GSDME: variants seen among roughly 807,000 people sequenced by gnomAD.
The protein encoded by GSDME is gasdermin-E.
GSDME carries 44 observed loss-of-function variants against 47.5 expected under a neutral mutation model. The ratio of observed to expected loss-of-function variants is 0.93; its 90% CI spans 0.73 to 1.19. GSDME has a LOEUF of 1.19. Among genes scored for constraint, GSDME ranks in the 50% most tolerant of loss-of-function variants. The pLI, the probability that GSDME is intolerant of heterozygous loss-of-function variation, is 0.00. For missense variants in GSDME, 663 were observed against 604.2 expected (o/e 1.10, Z -1.02); for synonymous variants, 258 against 252.8 (o/e 1.02, Z -0.20).
At chr7:24,774,678 G>A in the GSDME span, among the ~76,000 whole-genome samples, 241 of 152,048 alleles carry the variant, frequency 1.6e-3, 5 homozygotes, top group East Asian at 0.04. Flanking sequence ...GATTACAGGC[G>A]CATGCCACCA....
rs1456970194 is a variant in GSDME, at chr7:24,728,365, C to G, written c.405-9147G>C. Among the ~76,000 whole-genome samples, 2 of 152,194 alleles carry G rather than the reference C, an allele frequency of 1.3e-5. No homozygotes were observed. Among genetic ancestry groups the G allele is most frequent in the Admixed American group, 6.5e-5 (1 of 15,276 alleles). On this transcript the variant is annotated intron_variant, in intron 3 of 9. Coordinates refer to ENST00000645220, the MANE Select transcript of GSDME (RefSeq NM_001127453.2). This position sits in a 1 kb window ranked among gnomAD's most constrained non-coding sequence, Gnocchi z 7.2. The stretch of plus-strand genomic sequence containing the variant: ...ACCATTCAGTCAACCGGGACGCACC[C>G]TCTTCGAGATGTTTTCTTATGTGAG...
rs986469081 is a variant in GSDME at position 24,708,393 on chromosome 7, CAG to C, written c.863-141_863-140del. The C allele has an allele frequency of 2.9e-6, 3 of 1,023,032 alleles. No homozygotes were observed. In the African/African-American group the frequency reaches 4.8e-5, roughly 16 times the overall value. The allele number at this position is 1,023,032 out of a possible 1,614,324, so 63.4% of individuals were successfully genotyped here. A position where few individuals can be genotyped will look rare whatever the true frequency, so the allele number is the denominator to read the frequency against. On this transcript the variant is annotated intron_variant, in intron 6 of 9. Coordinates refer to ENST00000645220, the MANE Select transcript of GSDME (RefSeq NM_001127453.2). ...CAGCTGCATAGTCAGTCATGGAACTCAGAAATAAACATCAAGTTACAAGCCAC... is the reference window on the plus strand; with the variant it reads ...CAGCTGCATAGTCAGTCATGGAACTCAAATAAACATCAAGTTACAAGCCAC...
At chr7:24,764,644 A>T in the GSDME span, among the ~76,000 whole-genome samples, 1 of 152,198 alleles carries the variant, frequency 6.6e-6, no homozygotes, top group Non-Finnish European at 1.5e-5. This position sits in a 1 kb window ranked among gnomAD's most constrained non-coding sequence, Gnocchi z 4.4. Context: ...CAGCCAACTA[A>T]GACATGGCTG....
At chr7:24,743,283 A>T (rs767338811) in intron 3 of GSDME, among the ~76,000 whole-genome samples, 5 of 152,208 alleles carry the variant, frequency 3.3e-5, no homozygotes, top group Non-Finnish European at 5.9e-5. Context: ...ATAATCTTTA[A>T]AATGTTGCAA....
At chr7:24,729,549 G>C (rs1790075723) in intron 3 of GSDME, among the ~76,000 whole-genome samples, 1 of 152,180 alleles carries the variant, frequency 6.6e-6, no homozygotes, top group Non-Finnish European at 1.5e-5. Flanking sequence ...AAGGAAGTGG[G>C]GTCTAACCTA....
chr7:24,784,406 C>T, the GSDME span, among the ~76,000 whole-genome samples: 9 of 152,112 alleles, frequency 5.9e-5, no homozygotes, highest in Non-Finnish European at 1.3e-4. Flanking sequence ...AGTTCCAAAG[C>T]CTCAAAAGTA....
Position 24,735,046 on chromosome 7 carries a change from G to C in GSDME, c.404+9516C>G, listed in dbSNP as rs1486296515. 6.6e-6 allele frequency among the ~76,000 whole-genome samples: 1 copy of C among 152,164 alleles called. No individual in the cohort carries two copies. The highest frequency in any genetic ancestry group is 6.5e-5 in the Admixed American group (1 of 15,278). On this transcript the variant is annotated intron_variant, in intron 3 of 9. Coordinates refer to ENST00000645220, the MANE Select transcript of GSDME (RefSeq NM_001127453.2). This position sits in a 1 kb window ranked among gnomAD's most constrained non-coding sequence, Gnocchi z 4.4. ...CAAGGATAAAGAAAGGATCCTAAAA[G>C]CAGCAAGAAACTAACTGCATACAAT...
At chr7:24,755,862 CCTTT>C (rs2128068531) in intron 1 of GSDME, among the ~76,000 whole-genome samples, 1 of 152,304 alleles carries the variant, frequency 6.6e-6, no homozygotes, top group African/African-American at 2.4e-5. Flanking sequence ...TGTGTCATTT[CCTTT>C]CTATCTGGGG....
intron 6 of GSDME, 119 bp from the exon 7 acceptor site, chr7:24,708,373 G>A: frequency 1.2e-5 from 15 of 1,227,470 alleles, no homozygotes; most frequent in Non-Finnish European, 1.7e-5. Context: ...ATTCCCAGCT[G>A]CATAGTCAGT....
chr7:24,744,391 C>G lies in GSDME; in HGVS notation c.404+171G>C, dbSNP rs559392314. The G allele has an allele frequency of 2.6e-5, 20 of 762,476 alleles. No individual in the cohort carries two copies. The South Asian group carries it at 3.1e-4, about 12-fold the overall frequency. 47.2% of individuals were successfully genotyped at this position (762,476 alleles called of 1,614,324 possible). A position where few individuals can be genotyped will look rare whatever the true frequency, so the allele number is the denominator to read the frequency against. ...CCCACTCAGGCTAAGAACAGTCAAG[C>G]AATTCCAGACTAAAGAATGTGCTCC... On this transcript the variant is annotated intron_variant, in intron 3 of 9. Coordinates refer to ENST00000645220, the MANE Select transcript of GSDME (RefSeq NM_001127453.2). This position sits in a 1 kb window ranked among gnomAD's most constrained non-coding sequence, Gnocchi z 4.5.
rs1442952336 is a variant in GSDME, at chr7:24,705,646, T to C, written c.1183+538A>G. 5.5e-6 allele frequency: 1 copy of C among 181,704 alleles called. No homozygotes were observed. The highest frequency in any genetic ancestry group is 1.2e-5 in the Non-Finnish European group (1 of 85,988). 11.3% of individuals were successfully genotyped at this position (181,704 alleles called of 1,614,324 possible). A position where few individuals can be genotyped will look rare whatever the true frequency, so the allele number is the denominator to read the frequency against. On this transcript the variant is annotated intron_variant, in intron 8 of 9. Coordinates refer to ENST00000645220, the MANE Select transcript of GSDME (RefSeq NM_001127453.2). The surrounding 1 kb of genome is among the most constrained non-coding windows in gnomAD (Gnocchi z 4.1). ...GGATGGCTGCTCCCCTGGGAGGCCA[T>C]TTCAGGACCAGTGCAGAAGCTGTGC...
rs777555901 is a variant in GSDME, at chr7:24,708,200, T to C, written c.917A>G (p.Gln306Arg). 6 of 1,614,190 alleles carry C rather than the reference T, an allele frequency of 3.7e-6. No individual in the cohort carries two copies. The highest frequency in any genetic ancestry group is 4.2e-6 in the Non-Finnish European group (5 of 1,180,020). Residue 306 changes from glutamine to arginine, a missense_variant, in exon 7 of 10, where the codon CAA becomes CGA. Coordinates refer to ENST00000645220, the MANE Select transcript of GSDME (RefSeq NM_001127453.2). ...GAAGATGTCACTCAAAGCTGTCTGT[T>C]GTGGCTCAGGCAGCTCCGCAAATGG... Reference protein sequence around the residue: ...FHPFAELPEPQQTALSDIFQA... With the variant: ...FHPFAELPEPRQTALSDIFQA...
chr7:24,793,500 T>C, the GSDME span, among the ~76,000 whole-genome samples: 36 of 152,304 alleles, frequency 2.4e-4, no homozygotes, highest in African/African-American at 8.7e-4. Flanking sequence ...TTACTAAAAA[T>C]ATATTTTACT....
the GSDME span, among the ~76,000 whole-genome samples, chr7:24,785,616 C>T: frequency 6.6e-6 from 1 of 152,148 alleles, no homozygotes; most frequent in East Asian, 1.9e-4. Context: ...CCACCATGCC[C>T]GGCTAATTTT....
At chr7:24,706,088 CCA>C (rs1018681131) in intron 8 of GSDME, 94 bp downstream of exon 8, 10 of 1,449,400 alleles carry the variant, frequency 6.9e-6, no homozygotes, top group South Asian at 2.4e-5. Flanking sequence ...ACCATATCTT[CCA>C]CAGTTACCAC....
In GSDME at chr7:24,732,284, G is replaced by C. The variant is rs1354332880; in HGVS notation, c.404+12278C>G. ...ATTGATCAGGTAGGAAGGAAGCCCA[G>C]TTCAAACTTTGTTTTTTCCAAGAAA... is the stretch of plus-strand genomic sequence containing the variant. On this transcript the variant is annotated intron_variant, in intron 3 of 9. Transcript: ENST00000645220. This position sits in a 1 kb window ranked among gnomAD's most constrained non-coding sequence, Gnocchi z 4.8. 6.6e-6 allele frequency among the ~76,000 whole-genome samples: 1 copy of C among 152,208 alleles called. No individual in the cohort carries two copies. Among genetic ancestry groups the C allele is most frequent in the African/African-American group, 2.4e-5 (1 of 41,458 alleles).
the GSDME span, among the ~76,000 whole-genome samples, chr7:24,786,916 C>T: frequency 6.6e-6 from 1 of 152,090 alleles, no homozygotes; most frequent in Admixed American, 6.5e-5. The surrounding 1 kb of genome is among the most constrained non-coding windows in gnomAD (Gnocchi z 5.5). Context: ...TCTCTTAATT[C>T]CCTGGGTTCT....
At chr7:24,792,495 C>T in the GSDME span, among the ~76,000 whole-genome samples, 1 of 152,114 alleles carries the variant, frequency 6.6e-6, no homozygotes, top group Non-Finnish European at 1.5e-5. Flanking sequence ...CTTGGCAAGT[C>T]CCCACAAGGT....
At chr7:24,717,149 C>T in intron 5 of GSDME, 105 bp downstream of exon 5, 1 of 1,147,610 alleles carries the variant, frequency 8.7e-7, no homozygotes, top group South Asian at 1.5e-5. Flanking sequence ...TCCCTCTCTT[C>T]CCACAGTCTC....
Sources: allele counts gnomAD v4.1 joint callset (sites outside exome capture counted in the v4.1 genomes callset), GRCh38; gene constraint gnomAD v4.1.1; non-coding constraint Gnocchi (gnomAD v3.1); transcripts MANE v1.5; gene names NCBI Gene and HGNC (gene_info 2026-07-23, HGNC 2026-07-21).